Variants in TMEM128 observed in about 807,000 individuals in gnomAD.
TMEM128 encodes the protein transmembrane protein 128.
Under a neutral mutation model 19.7 loss-of-function variants are expected in TMEM128, and 16 were observed. The ratio of observed to expected loss-of-function variants is 0.81; its 90% CI spans 0.55 to 1.23. The LOEUF (loss-of-function observed/expected upper bound fraction) is 1.23, where lower values mean the gene tolerates loss of function less well. Among genes scored for constraint, TMEM128 ranks in the 50% most tolerant of loss-of-function variants. The probability of loss-of-function intolerance (pLI) is 0.00; values close to 1 mark genes in which losing one functional copy is unlikely to be tolerated. For synonymous variants in TMEM128, 98 were observed against 75.8 expected (o/e 1.29, Z -1.52); for missense variants, 237 against 200.8 (o/e 1.18, Z -1.09).
chr4:4,237,305 A>G (rs1197454954), intron 4 of TMEM128, among the ~76,000 whole-genome samples: 1 of 152,180 alleles, frequency 6.6e-6, no homozygotes, highest in African/African-American at 2.4e-5. Flanking sequence ...AAAATGGTCT[A>G]ATGTGTGAAT....
At chr4:4,241,039 T>C (rs977248087) in intron 2 of TMEM128, among the ~76,000 whole-genome samples, 1 of 152,194 alleles carries the variant, frequency 6.6e-6, no homozygotes. Context: ...ATGGCGCCAT[T>C]GCACTCCAGC....
chr4:4,245,257 C>CCT (rs1718121377), intron 2 of TMEM128, among the ~76,000 whole-genome samples: 1 of 152,164 alleles, frequency 6.6e-6, no homozygotes, highest in Admixed American at 6.5e-5. Context: ...TGATTCCAAC[C>CCT]CTCTCCTCCA....
chr4:4,238,021 G>A lies in TMEM128; in HGVS notation c.399-86C>T, dbSNP rs149055389. The A allele has an allele frequency of 1.3e-4, 112 of 876,588 alleles. 1 individual carries two copies. In the East Asian group the frequency reaches 3.4e-3, roughly 26 times the overall value. 54.3% of individuals were successfully genotyped at this position (876,588 alleles called of 1,614,324 possible). ...AGAATCCAGATTTAAAGTATTCAATGTAGAAAAGTTCATCCAGTCAGCAAC... is the reference window on the plus strand; with the variant it reads ...AGAATCCAGATTTAAAGTATTCAATATAGAAAAGTTCATCCAGTCAGCAAC... On this transcript the variant is annotated intron_variant, in intron 3 of 4. Transcript: ENST00000382753.
chr4:4,243,268 G>T (rs1718034913), intron 2 of TMEM128, among the ~76,000 whole-genome samples: 1 of 152,050 alleles, frequency 6.6e-6, no homozygotes, highest in Non-Finnish European at 1.5e-5. Context: ...ATTTTTAGTA[G>T]AGACGGGGTT....
At chr4:4,240,558 TA>T (rs1717914151) in intron 2 of TMEM128, 79 bp from the exon 3 acceptor site, 3 of 1,450,082 alleles carry the variant, frequency 2.1e-6, no homozygotes, top group South Asian at 2.8e-5. Context: ...ACTAATAGCT[TA>T]AAAATCTGCT....
chr4:4,246,841 G>A (rs746226451), intron 1 of TMEM128, among the ~76,000 whole-genome samples: 28 of 151,828 alleles, frequency 1.8e-4, no homozygotes, highest in Admixed American at 7.2e-4. Context: ...ACCGCCTCCC[G>A]GGTTCAAGCA....
At chr4:4,246,930 TA>T (rs1718204000) in intron 1 of TMEM128, among the ~76,000 whole-genome samples, 1 of 152,070 alleles carries the variant, frequency 6.6e-6, no homozygotes, top group Non-Finnish European at 1.5e-5. Context: ...GTATTTTTAG[TA>T]GAGACGGGGT....
rs1717684726 is a variant in TMEM128, at chr4:4,235,581, A to T, written c.*685T>A. The T allele has an allele frequency of 6.6e-6, 1 of 152,660 alleles. No individual in the cohort carries two copies. The highest frequency in any genetic ancestry group is 2.4e-5 in the African/African-American group (1 of 41,472). The allele number at this position is 152,660 out of a possible 1,614,324, so 9.5% of individuals were successfully genotyped here. ...ATTTTATTTAAATGATACAGAAAAA[A>T]ATGTATACTTAAAAGTGATTAAAAC... is the stretch of plus-strand genomic sequence containing the variant. On this transcript the variant is annotated 3_prime_UTR_variant, in exon 5 of 5. Transcript: ENST00000382753.
At chr4:4,244,115 C>T (rs1718069656) in intron 2 of TMEM128, among the ~76,000 whole-genome samples, 1 of 152,120 alleles carries the variant, frequency 6.6e-6, no homozygotes, top group South Asian at 2.1e-4. Flanking sequence ...GACAGCCAAA[C>T]ACATCTCAGC....
At chr4:4,244,961 T>C (rs1718109355) in intron 2 of TMEM128, among the ~76,000 whole-genome samples, 1 of 152,174 alleles carries the variant, frequency 6.6e-6, no homozygotes, top group South Asian at 2.1e-4. Flanking sequence ...CTCTGCCTAC[T>C]TTCCCCTGTG....
chr4:4,238,566 A>C (rs1156721876), intron 3 of TMEM128, among the ~76,000 whole-genome samples: 1 of 152,192 alleles, frequency 6.6e-6, no homozygotes, highest in Non-Finnish European at 1.5e-5. Flanking sequence ...CTAAAAAATT[A>C]ACATTTCTGG....
chr4:4,248,067 G>A (rs1419807796), intron 1 of TMEM128, 39 bp downstream of exon 1: 2 of 1,532,748 alleles, frequency 1.3e-6, no homozygotes, highest in South Asian at 2.4e-5. Flanking sequence ...CCGACGCCTC[G>A]CCTCTGAGAA....
intron 4 of TMEM128, among the ~76,000 whole-genome samples, chr4:4,236,488 C>A (rs1717725162): frequency 6.6e-6 from 1 of 152,140 alleles, no homozygotes; most frequent in African/African-American, 2.4e-5. Flanking sequence ...AAAGAAGGGG[C>A]TGAGAACACG....
chr4:4,240,994 C>T (rs1007419666), intron 2 of TMEM128, among the ~76,000 whole-genome samples: 8 of 152,186 alleles, frequency 5.3e-5, no homozygotes, highest in African/African-American at 1.9e-4. Flanking sequence ...GGAGAATCGC[C>T]TGAACCCAGG....
chr4:4,236,675 G>A (rs545385830), intron 4 of TMEM128, among the ~76,000 whole-genome samples: 4 of 152,342 alleles, frequency 2.6e-5, no homozygotes, highest in Non-Finnish European at 4.4e-5. Flanking sequence ...AGACATTGGC[G>A]TGGGCATGGA....
intron 3 of TMEM128, among the ~76,000 whole-genome samples, chr4:4,239,014 G>T (rs1429710058): frequency 6.6e-6 from 1 of 152,054 alleles, no homozygotes; most frequent in Non-Finnish European, 1.5e-5. Flanking sequence ...TCCGGCCTGG[G>T]TGACACAGTG....
At position 4,246,227 on chromosome 4, in the gene TMEM128, G is replaced by A. The variant is rs751176943; in HGVS notation, c.214C>T (p.Leu72Phe). ...VTYYVDFFKT[L>F]KENFHTSSWF... ...CTGCTAGTGTGGAAGTTTTCTTTAA[G>A]GGTTTTAAAGAAGTCAACATAATAG... The change falls in exon 2 of 5, where the codon CTT (leucine) becomes TTT (phenylalanine). Residue 72 changes from leucine (L) to phenylalanine (F), a missense_variant. Leu to Phe is a conservative substitution (Grantham distance 22). Coordinates refer to ENST00000382753, the MANE Select transcript of TMEM128 (RefSeq NM_001297551.2). The A allele has an allele frequency of 1.2e-6, 2 of 1,604,490 alleles. No individual in the cohort carries two copies. The highest frequency in any genetic ancestry group is 2.2e-5 in the East Asian group (1 of 44,654).
intron 4 of TMEM128, among the ~76,000 whole-genome samples, chr4:4,236,626 G>T (rs1717734126): frequency 6.6e-6 from 1 of 152,224 alleles, no homozygotes; most frequent in African/African-American, 2.4e-5. Flanking sequence ...AGGGTTCCCA[G>T]TGGTCCCAAG....
chr4:4,244,288 C>A (rs1036689092), intron 2 of TMEM128, among the ~76,000 whole-genome samples: 1 of 151,962 alleles, frequency 6.6e-6, no homozygotes, highest in East Asian at 1.9e-4. Context: ...CCAGCCTGGG[C>A]AACATGAAGA....
Sources: gnomAD v4.1 joint callset for allele counts (sites outside exome capture counted in the v4.1 genomes callset) on GRCh38, gnomAD v4.1.1 for gene constraint, MANE v1.5 for transcripts, NCBI Gene and HGNC (gene_info 2026-07-23, HGNC 2026-07-21) for gene names.